The following PXDNL variants were observed in gnomAD, a reference collection of about 807,000 sequenced individuals.
PXDNL encodes peroxidasin like.
A neutral mutation model predicts 150.8 loss-of-function variants in PXDNL; 145 were observed. The ratio of observed to expected loss-of-function variants is 0.96; its 90% confidence interval spans 0.84 to 1.10. The LOEUF is 1.10. Among genes scored for constraint, PXDNL ranks in the 50% least tolerant of loss-of-function variants. The pLI is 0.00. For synonymous variants in PXDNL, 757 were observed against 725.7 expected, an observed-to-expected ratio of 1.04 and a Z score of -0.69; for missense variants, 2,087 against 1,873.9, an observed-to-expected ratio of 1.11 and a Z score of -2.10.
At chr8:51,758,695 G>A (rs1197230848) in intron 1 of PXDNL, among the ~76,000 whole-genome samples, 1 of 152,094 alleles carries the variant, frequency 6.6e-6, no homozygotes, top group Non-Finnish European at 1.5e-5. Flanking sequence ...TGTGAAGAAG[G>A]TGCCTTCCCT....
intron 1 of PXDNL, among the ~76,000 whole-genome samples, chr8:51,664,088 G>A (rs1815331348): frequency 6.6e-6 from 1 of 150,788 alleles, no homozygotes; most frequent in Admixed American, 6.6e-5. Context: ...AGAGAGAAAT[G>A]AGGGGGTTTG....
intron 10 of PXDNL, among the ~76,000 whole-genome samples, chr8:51,452,271 AAAGTTTAAAAATAACGT>A (rs761391830): frequency 1.3e-5 from 2 of 152,224 alleles, no homozygotes; most frequent in African/African-American, 4.8e-5. Context: ...CAACATATTA[AAAGTTTAAAAATAACGT>A]TTGGGTCCTT....
intron 1 of PXDNL, among the ~76,000 whole-genome samples, chr8:51,781,815 C>T (rs1421731907): frequency 1.3e-5 from 2 of 152,180 alleles, no homozygotes; most frequent in Admixed American, 1.3e-4. Context: ...ATATTATCCT[C>T]TGATGTCATA....
intron 6 of PXDNL, among the ~76,000 whole-genome samples, chr8:51,477,930 A>C (rs1184161985): frequency 6.6e-6 from 1 of 152,212 alleles, no homozygotes; most frequent in African/African-American, 2.4e-5. Context: ...GCAAAACATG[A>C]AGAAAACAAC....
intron 12 of PXDNL, among the ~76,000 whole-genome samples, chr8:51,432,475 C>G (rs1809274301): frequency 6.6e-6 from 1 of 152,202 alleles, no homozygotes; most frequent in Admixed American, 6.5e-5. Flanking sequence ...TTGCATTGAT[C>G]TATAAATCAA....
chr8:51,371,089 A>G (rs75077202), intron 19 of PXDNL, among the ~76,000 whole-genome samples: 1,811 of 152,312 alleles, frequency 0.012, 28 homozygotes, highest in African/African-American at 0.04. Flanking sequence ...GGAACTGCAA[A>G]TATCCTCCAT....
At chr8:51,601,761 T>C (rs1457667488) in intron 2 of PXDNL, among the ~76,000 whole-genome samples, 2 of 151,866 alleles carry the variant, frequency 1.3e-5, no homozygotes, top group East Asian at 3.9e-4. Flanking sequence ...ATTACAAAGT[T>C]GTTAGCTATT....
intron 1 of PXDNL, among the ~76,000 whole-genome samples, chr8:51,787,111 A>AAG (rs1215751227): frequency 2.0e-5 from 3 of 151,764 alleles, no homozygotes; most frequent in African/African-American, 7.3e-5. Flanking sequence ...AAAAAAAAAA[A>AAG]AAAAGAATCT....
chr8:51,400,901 T>C (rs1302198819), intron 17 of PXDNL, among the ~76,000 whole-genome samples: 1 of 152,092 alleles, frequency 6.6e-6, no homozygotes, highest in African/African-American at 2.4e-5. Flanking sequence ...CCTAAGAAAA[T>C]TTGTCTTGTC....
At chr8:51,757,521 C>A (rs2037115133) in intron 1 of PXDNL, among the ~76,000 whole-genome samples, 1 of 152,158 alleles carries the variant, frequency 6.6e-6, no homozygotes, top group African/African-American at 2.4e-5. Context: ...GTATTTCAAC[C>A]TTTGCTTAGT....
chr8:51,440,875 T>C (rs1809529369), intron 12 of PXDNL, among the ~76,000 whole-genome samples: 1 of 152,064 alleles, frequency 6.6e-6, no homozygotes, highest in East Asian at 1.9e-4. Flanking sequence ...GCCAGCAGGA[T>C]TGCACTGCCT....
At chr8:51,651,338 C>T (rs773779460) in intron 2 of PXDNL, among the ~76,000 whole-genome samples, 1 of 152,102 alleles carries the variant, frequency 6.6e-6, no homozygotes, top group African/African-American at 2.4e-5. Context: ...GTGAATTTTA[C>T]GTAAAATGTA....
Position 51,358,348 on chromosome 8 carries a change from A to G in PXDNL, c.3902-12401T>C, listed in dbSNP as rs993545911. Among the ~76,000 whole-genome samples, 4 of 152,192 alleles carry G rather than the reference A, an allele frequency of 2.6e-5. No homozygotes were observed. In the East Asian group the frequency reaches 7.7e-4, roughly 29 times the overall value. Reference sequence around the variant, plus strand: ...TTACGATAATCCTGAGGATCCTTCTAAGAGCTTTTTCGTCTTCAAAGAAAT... The same window carrying G: ...TTACGATAATCCTGAGGATCCTTCTGAGAGCTTTTTCGTCTTCAAAGAAAT... On this transcript the variant is annotated intron_variant, in intron 19 of 22. Transcript: ENST00000356297.
chr8:51,714,950 C>T (rs887992932), intron 1 of PXDNL, among the ~76,000 whole-genome samples: 2 of 152,210 alleles, frequency 1.3e-5, no homozygotes, highest in African/African-American at 4.8e-5. Context: ...GCATGTCCAA[C>T]TTCTACAGTT....
Position 51,413,206 on chromosome 8 carries a change from A to C in PXDNL, c.1848T>G (p.Asp616Glu). ...GDDFVESSIL[D>E]AVQRVDSAIN... ...TTGCACTGTCAACTCTCTGTACAGC[A>C]TCAAGAATGGAAGATTCAACAAAGT... The change falls in exon 15 of 23, where the codon GAT (aspartate) becomes GAG (glutamate). Residue 616 changes from aspartate to glutamate, a missense_variant. Physicochemically the swap from Asp to Glu is conservative, Grantham distance 45. Coordinates refer to ENST00000356297, the MANE Select transcript of PXDNL (RefSeq NM_144651.5). The C allele has an allele frequency of 6.2e-7, 1 of 1,613,082 alleles. No homozygotes were observed. The highest frequency in any genetic ancestry group is 2.2e-5 in the East Asian group (1 of 44,858).
At chr8:51,519,987 T>C (rs1021105404) in intron 4 of PXDNL, among the ~76,000 whole-genome samples, 3 of 152,100 alleles carry the variant, frequency 2.0e-5, no homozygotes, top group African/African-American at 7.2e-5. Context: ...TGCAACAGTC[T>C]AGGGGGAACA....
chr8:51,384,813 T>A (rs1390792191), intron 17 of PXDNL, among the ~76,000 whole-genome samples: 2 of 152,276 alleles, frequency 1.3e-5, no homozygotes, highest in East Asian at 3.9e-4. Context: ...AATGTGATAG[T>A]CATCAAATTT....
At chr8:51,744,284 G>A (rs199677041) in intron 1 of PXDNL, among the ~76,000 whole-genome samples, 23 of 52,664 alleles carry the variant, frequency 4.4e-4, no homozygotes, top group South Asian at 2.2e-3. Flanking sequence ...AAGGAAGGAA[G>A]GAAAGAAGGA....
chr8:51,738,270 T>C (rs759888723), intron 1 of PXDNL, among the ~76,000 whole-genome samples: 2 of 152,242 alleles, frequency 1.3e-5, no homozygotes, highest in Non-Finnish European at 2.9e-5. Context: ...TTTATGAGAC[T>C]CTGCCCCTGA....
Sources: gnomAD v4.1 joint callset for allele counts (sites outside exome capture counted in the v4.1 genomes callset) on GRCh38, gnomAD v4.1.1 for gene constraint, MANE v1.5 for transcripts, NCBI Gene and HGNC (gene_info 2026-07-23, HGNC 2026-07-21) for gene names.